Variants in STXBP5L observed in about 807,000 individuals in gnomAD.
STXBP5L encodes the protein syntaxin-binding protein 5-like.
STXBP5L carries 65 observed loss-of-function variants against 144.5 expected under a neutral mutation model. That is an observed-to-expected ratio of 0.45 (90% confidence interval 0.37 to 0.55). The LOEUF (loss-of-function observed/expected upper bound fraction) is 0.55, where lower values mean the gene tolerates loss of function less well. Among genes scored for constraint, STXBP5L ranks in the 20% least tolerant of loss-of-function variants. STXBP5L has a pLI of 0.00. For missense variants in STXBP5L, 1,298 were observed against 1,405.5 expected (o/e 0.92, Z 1.22); for synonymous variants, 505 against 469.6 (o/e 1.08, Z -0.97).
intron 19 of STXBP5L, among the ~76,000 whole-genome samples, chr3:121,289,370 G>A (rs1420554515): frequency 2.6e-5 from 4 of 152,094 alleles, no homozygotes; most frequent in African/African-American, 4.8e-5. Flanking sequence ...AGATTTATAT[G>A]CATCTAACAC....
intron 19 of STXBP5L, among the ~76,000 whole-genome samples, chr3:121,315,769 A>T (rs2043764073): frequency 6.6e-6 from 1 of 152,116 alleles, no homozygotes; most frequent in South Asian, 2.1e-4. Flanking sequence ...TGGGAGGCTG[A>T]GGCAGGCAGA....
At chr3:121,060,861 CTTCTT>C (rs761916852) in intron 5 of STXBP5L, among the ~76,000 whole-genome samples, 5 of 151,814 alleles carry the variant, frequency 3.3e-5, no homozygotes, top group African/African-American at 4.8e-5. Flanking sequence ...ATTCTTTTCT[CTTCTT>C]CTTTATTAGT....
At chr3:121,083,518 C>T (rs2042345561) in intron 5 of STXBP5L, among the ~76,000 whole-genome samples, 1 of 151,832 alleles carries the variant, frequency 6.6e-6, no homozygotes, top group South Asian at 2.1e-4. Context: ...AAAAAATTAG[C>T]CAGACGTGAT....
intron 9 of STXBP5L, among the ~76,000 whole-genome samples, chr3:121,169,864 A>G (rs1226390639): frequency 3.3e-5 from 5 of 152,036 alleles, no homozygotes; most frequent in Admixed American, 1.3e-4. Context: ...CATCTACAGA[A>G]CTCTCCACCC....
chr3:121,065,052 G>T (rs183557541), intron 5 of STXBP5L, among the ~76,000 whole-genome samples: 1 of 143,756 alleles, frequency 7.0e-6, no homozygotes, highest in African/African-American at 2.6e-5. Context: ...CTGCATTCTT[G>T]TGGCTGCAAA....
chr3:120,954,484 T>G (rs1364480943), intron 2 of STXBP5L, among the ~76,000 whole-genome samples: 2 of 152,100 alleles, frequency 1.3e-5, no homozygotes, highest in Non-Finnish European at 2.9e-5. Context: ...CTATCAGTAG[T>G]TTGTGTCTTT....
chr3:121,122,408 T>A (rs1028203021), intron 7 of STXBP5L, among the ~76,000 whole-genome samples: 1 of 151,042 alleles, frequency 6.6e-6, no homozygotes, highest in African/African-American at 2.4e-5. Context: ...GCCGTCAGAG[T>A]TTATTTTTTA....
Position 121,152,536 on chromosome 3 carries a change from A to G in STXBP5L, c.729A>G (p.Ala243=), listed in dbSNP as rs2045967019. The part of the protein sequence containing the change: ...VVFWDLKSKR[A]ELRVYYDEAI... Reference sequence around the variant, plus strand: ...TCTGGGACTTGAAATCTAAAAGAGCAGAACTGAGAGTTTATTATGATGAGG... The same window carrying G: ...TCTGGGACTTGAAATCTAAAAGAGCGGAACTGAGAGTTTATTATGATGAGG... The change falls in exon 8 of 27, where the codon GCA becomes GCG. Residue 243 remains alanine (A), a synonymous_variant. Coordinates refer to ENST00000471454, the MANE Select transcript of STXBP5L (RefSeq NM_001308330.2). 6.2e-7 allele frequency: 1 copy of G among 1,608,030 alleles called. No homozygotes were observed. The highest frequency in any genetic ancestry group is 8.5e-7 in the Non-Finnish European group (1 of 1,177,060).
Position 120,909,779 on chromosome 3 carries a change from A to G in STXBP5L, c.189+12A>G. 1 of 1,608,330 alleles carries G rather than the reference A, an allele frequency of 6.2e-7. No individual in the cohort carries two copies. Among genetic ancestry groups the G allele is most frequent in the Non-Finnish European group, 8.5e-7 (1 of 1,178,146 alleles). ...TCCAGATTTGCAAGGTAAGTTTTGA[A>G]TTGGCTTAAAGCCTATTATTTCTTT... is the stretch of plus-strand genomic sequence containing the variant. On this transcript the variant is annotated intron_variant, in intron 2 of 26. Coordinates refer to ENST00000471454, the MANE Select transcript of STXBP5L (RefSeq NM_001308330.2).
intron 5 of STXBP5L, among the ~76,000 whole-genome samples, chr3:121,054,140 G>C (rs1010635423): frequency 2.0e-5 from 3 of 152,190 alleles, no homozygotes; most frequent in Non-Finnish European, 2.9e-5. Context: ...TACACGGTTG[G>C]TGGGACTGTA....
chr3:121,029,349 C>T (rs1208131927), intron 3 of STXBP5L, among the ~76,000 whole-genome samples: 2 of 152,090 alleles, frequency 1.3e-5, no homozygotes, highest in Non-Finnish European at 2.9e-5. Context: ...ACCAATGGAA[C>T]ACAACAGAGG....
intron 3 of STXBP5L, among the ~76,000 whole-genome samples, chr3:121,026,188 C>T (rs1344332747): frequency 6.6e-6 from 1 of 151,618 alleles, no homozygotes; most frequent in Admixed American, 6.6e-5. Flanking sequence ...TGCTTCTTCT[C>T]CAACCTCAAT....
chr3:121,066,031 G>A (rs1329028787), intron 5 of STXBP5L, among the ~76,000 whole-genome samples: 7 of 152,122 alleles, frequency 4.6e-5, no homozygotes, highest in Non-Finnish European at 8.8e-5. Context: ...ACAAGATGGA[G>A]GTCGTAATCA....
At chr3:121,020,586 G>T (rs764523252) in intron 3 of STXBP5L, among the ~76,000 whole-genome samples, 4 of 152,166 alleles carry the variant, frequency 2.6e-5, no homozygotes, top group African/African-American at 4.8e-5. Flanking sequence ...ATACAAGCTA[G>T]AAGGGATTGG....
intron 3 of STXBP5L, among the ~76,000 whole-genome samples, chr3:120,982,211 A>T (rs1404937535): frequency 1.3e-5 from 2 of 152,034 alleles, no homozygotes; most frequent in Non-Finnish European, 2.9e-5. Context: ...ATCTTTGTTT[A>T]CTGGGAGGTG....
intron 10 of STXBP5L, among the ~76,000 whole-genome samples, chr3:121,208,060 A>G (rs2048408282): frequency 6.6e-6 from 1 of 152,194 alleles, no homozygotes; most frequent in Admixed American, 6.5e-5. Context: ...ACTATTCACA[A>G]TAGTAAAGAC....
intron 9 of STXBP5L, among the ~76,000 whole-genome samples, chr3:121,189,445 G>A (rs968553619): frequency 1.3e-5 from 2 of 152,224 alleles, no homozygotes; most frequent in Admixed American, 6.5e-5. Flanking sequence ...CAGATGGCTA[G>A]CCAGATTCCC....
At chr3:121,110,716 C>T (rs993536576) in intron 5 of STXBP5L, among the ~76,000 whole-genome samples, 3 of 151,998 alleles carry the variant, frequency 2.0e-5, no homozygotes, top group Non-Finnish European at 2.9e-5. Flanking sequence ...GGGGGTTGAT[C>T]TTCTTATGGA....
At chr3:121,379,011 C>A in intron 21 of STXBP5L, 125 bp downstream of exon 21, 1 of 997,260 alleles carries the variant, frequency 1.0e-6, no homozygotes, top group Non-Finnish European at 1.4e-6. Flanking sequence ...CAGTGAATAC[C>A]TGAGAGCCTG....
Sources: gnomAD v4.1 joint callset for allele counts (sites outside exome capture counted in the v4.1 genomes callset) on GRCh38, gnomAD v4.1.1 for gene constraint, MANE v1.5 for transcripts, NCBI Gene and HGNC (gene_info 2026-07-23, HGNC 2026-07-21) for gene names.